C17orf67: variants seen among roughly 807,000 people sequenced by gnomAD.
The protein encoded by C17orf67 is chromosome 17 open reading frame 67.
Under a neutral mutation model 11.2 loss-of-function variants are expected in C17orf67, and 12 were observed. The observed-to-expected ratio is 1.07, with a 90% confidence interval of 0.68 to 1.73. The LOEUF (loss-of-function observed/expected upper bound fraction) is 1.73. Among genes scored for constraint, C17orf67 ranks in the 40% most tolerant of loss-of-function variants. The pLI, the probability that C17orf67 is intolerant of heterozygous loss-of-function variation, is 0.00. For missense variants in C17orf67, 115 were observed against 113.5 expected, an observed-to-expected ratio of 1.01 and a Z score of -0.06; for synonymous variants, 59 against 46.9, an observed-to-expected ratio of 1.26 and a Z score of -1.05.
intron 6 of C17orf67, among the ~76,000 whole-genome samples, chr17:56,808,720 G>A (rs1905517353): frequency 2.6e-5 from 4 of 152,152 alleles, no homozygotes. Flanking sequence ...TTGTGTGCAC[G>A]GGCACAGCTT....
chr17:56,815,853 G>C lies in C17orf67; in HGVS notation c.-43C>G, dbSNP rs746284193. On this transcript the variant is annotated 5_prime_UTR_variant, in exon 5 of 8. Transcript: ENST00000397861. ...GCCTCTTGCTGAGTGAATCCTCCCA[G>C]ACTGAGTCAGCCAACTTGAAGGAAG... 2 of 1,612,814 alleles carry C rather than the reference G, an allele frequency of 1.2e-6. No individual in the cohort carries two copies. The highest frequency in any genetic ancestry group is 2.2e-5 in the South Asian group (2 of 91,036).
At chr17:56,794,870 C>T (rs1022493034) in intron 7 of C17orf67, among the ~76,000 whole-genome samples, 174 bp downstream of exon 7, 1 of 151,952 alleles carries the variant, frequency 6.6e-6, no homozygotes, top group African/African-American at 2.4e-5. Flanking sequence ...GTGCTCCTCT[C>T]AACCTGGCTC....
intron 6 of C17orf67, among the ~76,000 whole-genome samples, chr17:56,807,300 G>A (rs1031691489): frequency 1.3e-5 from 2 of 152,094 alleles, no homozygotes; most frequent in African/African-American, 2.4e-5. Context: ...AAGGAAGAGA[G>A]ATCAATTGTG....
At chr17:56,830,577 T>G (rs1906172430) in intron 2 of C17orf67, among the ~76,000 whole-genome samples, 2 of 152,152 alleles carry the variant, frequency 1.3e-5, no homozygotes, top group Admixed American at 1.3e-4. Context: ...GAACCCCACA[T>G]CACTTTTCCC....
chr17:56,815,185 C>A (rs1377414565), intron 5 of C17orf67, among the ~76,000 whole-genome samples: 2 of 152,184 alleles, frequency 1.3e-5, no homozygotes, highest in Non-Finnish European at 2.9e-5. Context: ...AGCTGCACAA[C>A]CTAAACATAT....
Position 56,795,199 on chromosome 17 carries a change from C to T in C17orf67, c.157-19G>A. 6.2e-7 allele frequency: 1 copy of T among 1,607,898 alleles called. No individual in the cohort carries two copies. Among genetic ancestry groups the T allele is most frequent in the Non-Finnish European group, 8.5e-7 (1 of 1,175,122 alleles). On this transcript the variant is annotated intron_variant, in intron 6 of 7. Transcript: ENST00000397861. The stretch of plus-strand genomic sequence containing the variant: ...TGTATTCCTGTCAAAACAAACCACA[C>T]TGAAGAAGGCTTCACCCACAGTGAC...
chr17:56,823,381 A>G (rs1272862027), intron 4 of C17orf67, among the ~76,000 whole-genome samples: 1 of 152,196 alleles, frequency 6.6e-6, no homozygotes, highest in Non-Finnish European at 1.5e-5. Context: ...CTCTGACATG[A>G]AAAGTAAAGA....
rs565221662 is a variant in C17orf67 at position 56,825,939 on chromosome 17, C to CTG, written c.-556-620_-556-619dup. On this transcript the variant is annotated intron_variant, in intron 2 of 7. Transcript: ENST00000397861. ...CTCTATAATGGGGATTGGGGGAAAC[C>CTG]TGTGAGTGTGTGTGTGTGTGTGCAC... Among the ~76,000 whole-genome samples the CTG allele has an allele frequency of 4.9e-3, 448 of 92,282 alleles. 2 individuals are homozygous for CTG. The highest frequency in any genetic ancestry group is 0.016 in the African/African-American group (434 of 27,954). 60.5% of individuals were successfully genotyped at this position (92,282 alleles called of 152,430 possible). A position where few individuals can be genotyped will look rare whatever the true frequency, so the allele number is the denominator to read the frequency against.
intron 2 of C17orf67, among the ~76,000 whole-genome samples, chr17:56,826,620 C>T (rs531565624): frequency 2.0e-5 from 3 of 152,182 alleles, no homozygotes; most frequent in Admixed American, 6.5e-5. Context: ...TTCTTAGAAA[C>T]GCAGGTTATC....
At chr17:56,806,279 T>C (rs1905450394) in intron 6 of C17orf67, among the ~76,000 whole-genome samples, 1 of 152,178 alleles carries the variant, frequency 6.6e-6, no homozygotes, top group African/African-American at 2.4e-5. Flanking sequence ...CGGCCTACAG[T>C]TGATTTTCTT....
chr17:56,820,163 A>T lies in C17orf67; in HGVS notation c.-200-4153T>A, dbSNP rs79265485. 1.5e-4 allele frequency among the ~76,000 whole-genome samples: 23 copies of T among 152,332 alleles called. 1 individual carries two copies. In the East Asian group the frequency reaches 4.4e-3, roughly 29 times the overall value. On this transcript the variant is annotated intron_variant, in intron 4 of 7. Coordinates refer to ENST00000397861, the MANE Select transcript of C17orf67 (RefSeq NM_001085430.4). ...AACCAATTTTACCATAAGCTAATTG[A>T]TATACACAAGAGGTGAGTTCCTATG...
chr17:56,810,819 G>A (rs1266115032), intron 6 of C17orf67, among the ~76,000 whole-genome samples: 1 of 152,254 alleles, frequency 6.6e-6, no homozygotes, highest in African/African-American at 2.4e-5. Flanking sequence ...GCTCCAACTG[G>A]GAGTGCAGGG....
chr17:56,814,787 G>T, intron 6 of C17orf67, 82 bp downstream of exon 6: 1 of 1,334,262 alleles, frequency 7.5e-7, no homozygotes, highest in Non-Finnish European at 1.1e-6. Context: ...AGCAGCCCAT[G>T]CTGGGACCAA....
intron 6 of C17orf67, among the ~76,000 whole-genome samples, chr17:56,800,300 C>T (rs574246590): frequency 6.6e-5 from 10 of 152,178 alleles, no homozygotes; most frequent in African/African-American, 1.9e-4. Flanking sequence ...CTCCTGACCT[C>T]GTGATCCACC....
At chr17:56,804,631 A>C (rs185730540) in intron 6 of C17orf67, among the ~76,000 whole-genome samples, 2 of 152,374 alleles carry the variant, frequency 1.3e-5, no homozygotes, top group East Asian at 3.9e-4. Context: ...CAATAAAGCT[A>C]AAATGATTTA....
chr17:56,797,053 C>T (rs1046555848), intron 6 of C17orf67, among the ~76,000 whole-genome samples: 2 of 152,178 alleles, frequency 1.3e-5, no homozygotes, highest in African/African-American at 2.4e-5. Flanking sequence ...CTCCTCCCAA[C>T]AGCAGGGAGT....
In C17orf67 at chr17:56,814,981, G is replaced by A. The variant is rs773624140; in HGVS notation, c.56-12C>T. 31 of 1,611,132 alleles carry A rather than the reference G, an allele frequency of 1.9e-5. No individual in the cohort carries two copies. The highest frequency in any genetic ancestry group is 2.7e-5 in the African/African-American group (2 of 74,820). On this transcript the variant is annotated splice_polypyrimidine_tract_variant and intron_variant, in intron 5 of 7. Coordinates refer to ENST00000397861, the MANE Select transcript of C17orf67 (RefSeq NM_001085430.4). ...AATCGGGGAGGTCTCTGGAAAAGTC[G>A]GGAAGGTGCCTTAAGGACACTCAGG... is the stretch of plus-strand genomic sequence containing the variant.
chr17:56,811,581 T>C (rs985464825), intron 6 of C17orf67, among the ~76,000 whole-genome samples: 2 of 152,178 alleles, frequency 1.3e-5, no homozygotes, highest in African/African-American at 2.4e-5. Flanking sequence ...CCGCAGTCCA[T>C]TGTACCAGAT....
intron 4 of C17orf67, among the ~76,000 whole-genome samples, chr17:56,821,178 C>T (rs767381548): frequency 2.6e-5 from 4 of 152,142 alleles, no homozygotes; most frequent in Non-Finnish European, 1.5e-5. Context: ...CCCCCTTGGC[C>T]TCCCAAAGGA....
Sources: allele counts gnomAD v4.1 joint callset (sites outside exome capture counted in the v4.1 genomes callset), GRCh38; gene constraint gnomAD v4.1.1; transcripts MANE v1.5; gene names NCBI Gene and HGNC (gene_info 2026-07-23, HGNC 2026-07-21).